ERC2: variants seen among roughly 807,000 people sequenced by gnomAD.
ERC2 encodes ELKS/RAB6-interacting/CAST family member 2, also known as ERC protein 2.
Under a neutral mutation model 114.8 loss-of-function variants are expected in ERC2, and 42 were observed. That is an observed-to-expected ratio of 0.37 (90% confidence interval 0.29 to 0.47). The LOEUF (loss-of-function observed/expected upper bound fraction) is 0.47, where lower values mean the gene tolerates loss of function less well. ERC2 is among the 20% of genes least tolerant of loss of function. The pLI, the probability that ERC2 is intolerant of heterozygous loss-of-function variation, is 0.99. For missense variants in ERC2, 939 were observed against 1,150.7 expected (o/e 0.82, Z 2.66); for synonymous variants, 454 against 425.5 (o/e 1.07, Z -0.82).
chr3:56,149,886 A>T (rs139714542), intron 4 of ERC2, among the ~76,000 whole-genome samples: 31 of 152,318 alleles, frequency 2.0e-4, no homozygotes, highest in African/African-American at 7.2e-4. Context: ...TACCAATGAC[A>T]GACTCTATAC....
At chr3:56,180,397 A>G (rs1240959415) in intron 3 of ERC2, among the ~76,000 whole-genome samples, 2 of 152,224 alleles carry the variant, frequency 1.3e-5, no homozygotes, top group Non-Finnish European at 2.9e-5. Context: ...TCCCAATAAC[A>G]AAAAGGTAGA....
intron 3 of ERC2, among the ~76,000 whole-genome samples, chr3:56,243,150 G>T (rs1321296004): frequency 1.3e-5 from 2 of 152,048 alleles, no homozygotes; most frequent in Admixed American, 6.5e-5. Context: ...TTCACACCAA[G>T]AACAATATAT....
At chr3:55,514,415 C>T (rs2052341575) in intron 17 of ERC2, among the ~76,000 whole-genome samples, 1 of 152,142 alleles carries the variant, frequency 6.6e-6, no homozygotes. Context: ...GATTGTGCCA[C>T]TCCAGACAAG....
At chr3:55,604,983 T>C (rs1334594691) in intron 17 of ERC2, among the ~76,000 whole-genome samples, 1 of 152,206 alleles carries the variant, frequency 6.6e-6, no homozygotes, top group African/African-American at 2.4e-5. Context: ...CCTGAGAATT[T>C]ACATTACTAA....
intron 12 of ERC2, among the ~76,000 whole-genome samples, chr3:55,965,497 G>A (rs1029649780): frequency 6.6e-6 from 1 of 151,984 alleles, no homozygotes; most frequent in Non-Finnish European, 1.5e-5. Flanking sequence ...TTAAACCTTT[G>A]TTTTATTTTT....
intron 17 of ERC2, among the ~76,000 whole-genome samples, chr3:55,635,469 C>T (rs997306798): frequency 2.0e-5 from 3 of 151,946 alleles, no homozygotes; most frequent in Non-Finnish European, 2.9e-5. Context: ...CAGCTCACTG[C>T]AACCTCTGCC....
At chr3:56,385,489 C>T (rs1219071957) in intron 2 of ERC2, among the ~76,000 whole-genome samples, 2 of 152,262 alleles carry the variant, frequency 1.3e-5, no homozygotes, top group South Asian at 4.1e-4. Context: ...TTTCCCCAAC[C>T]AACACATGGA....
intron 13 of ERC2, among the ~76,000 whole-genome samples, chr3:55,939,507 A>G (rs1018154343): frequency 2.6e-5 from 4 of 152,250 alleles, no homozygotes; most frequent in Non-Finnish European, 4.4e-5. Flanking sequence ...TATGCACAGT[A>G]TTCTTAACCT....
intron 14 of ERC2, among the ~76,000 whole-genome samples, chr3:55,847,522 C>G (rs1456153009): frequency 6.6e-6 from 1 of 152,130 alleles, no homozygotes; most frequent in Non-Finnish European, 1.5e-5. Context: ...GAGTGCTCCA[C>G]AGCTATTAAA....
chr3:56,404,702 ACCC>A (rs57038024), intron 2 of ERC2, among the ~76,000 whole-genome samples: 6,741 of 152,078 alleles, frequency 0.044, 374 homozygotes, highest in African/African-American at 0.13. Context: ...CCTACTATGT[ACCC>A]ATAAAAATTT....
intron 7 of ERC2, among the ~76,000 whole-genome samples, chr3:56,066,405 T>A (rs1051277803): frequency 6.6e-6 from 1 of 152,130 alleles, no homozygotes; most frequent in Non-Finnish European, 1.5e-5. Flanking sequence ...GATGGGGTTG[T>A]TTTTCTTCTT....
At chr3:55,938,300 A>G (rs1167320011) in intron 13 of ERC2, among the ~76,000 whole-genome samples, 1 of 149,940 alleles carries the variant, frequency 6.7e-6, no homozygotes, top group Non-Finnish European at 1.5e-5. Flanking sequence ...AACATTACAG[A>G]AAAGAATGTC....
At chr3:55,655,641 T>C (rs1009087101) in intron 17 of ERC2, among the ~76,000 whole-genome samples, 3 of 152,170 alleles carry the variant, frequency 2.0e-5, no homozygotes, top group Non-Finnish European at 2.9e-5. Context: ...CTGGACCCTA[T>C]GGATAGTTGC....
chr3:55,673,277 C>T (rs938868904), intron 17 of ERC2, among the ~76,000 whole-genome samples: 1 of 152,212 alleles, frequency 6.6e-6, no homozygotes, highest in African/African-American at 2.4e-5. Context: ...CAATGTGTCA[C>T]CTGCCTTCAG....
At chr3:55,749,172 G>A (rs1337611569) in intron 14 of ERC2, among the ~76,000 whole-genome samples, 1 of 152,180 alleles carries the variant, frequency 6.6e-6, no homozygotes, top group Non-Finnish European at 1.5e-5. Flanking sequence ...TCCTGTAAAA[G>A]AGGCCCCCAG....
At position 56,032,858 on chromosome 3, in the gene ERC2, G is replaced by GGAAAGAAAGAAAGAAAGAAAGAAA. The variant is rs149220809; in HGVS notation, c.1642-13851_1642-13828dup. ...CTGTTGGAAGAACAAAAGAAAGAAA[G>GGAAAGAAAGAAAGAAAGAAAGAAA]GAAAGAAAGAAAGAAAGAAAGAAAG... On this transcript the variant is annotated intron_variant, in intron 7 of 17. Transcript: ENST00000288221. 2.7e-3 allele frequency among the ~76,000 whole-genome samples: 186 copies of GGAAAGAAAGAAAGAAAGAAAGAAA among 68,970 alleles called. 9 individuals carry two copies. The highest frequency in any genetic ancestry group is 3.9e-3 in the South Asian group (8 of 2,028). 45.2% of individuals were successfully genotyped at this position (68,970 alleles called of 152,430 possible).
chr3:55,526,139 G>A (rs1337548928), intron 17 of ERC2, among the ~76,000 whole-genome samples: 1 of 152,094 alleles, frequency 6.6e-6, no homozygotes, highest in Non-Finnish European at 1.5e-5. Flanking sequence ...TATAAACCAA[G>A]GAATGCCAAG....
chr3:56,286,053 G>A (rs185221455), intron 3 of ERC2, among the ~76,000 whole-genome samples: 95 of 152,204 alleles, frequency 6.2e-4, no homozygotes, highest in Middle Eastern at 3.4e-3. Flanking sequence ...GCAGACTTTC[G>A]TGATAACTGA....
intron 2 of ERC2, among the ~76,000 whole-genome samples, chr3:56,308,282 T>C (rs2056348021): frequency 6.6e-6 from 1 of 152,200 alleles, no homozygotes; most frequent in African/African-American, 2.4e-5. Context: ...GCTCTAAAAA[T>C]ACTACAGAAT....
Sources: allele counts gnomAD v4.1 joint callset (sites outside exome capture counted in the v4.1 genomes callset), GRCh38; gene constraint gnomAD v4.1.1; transcripts MANE v1.5; gene names NCBI Gene and HGNC (gene_info 2026-07-23, HGNC 2026-07-21).